The following PLCB1 variants were observed in gnomAD, a reference collection of about 807,000 sequenced individuals.
PLCB1 encodes 1-phosphatidylinositol 4,5-bisphosphate phosphodiesterase beta-1.
In PLCB1, 46 loss-of-function variants were observed where a neutral mutation model predicts 161.8. That is an observed-to-expected ratio of 0.28 (90% CI 0.22 to 0.36). The LOEUF (loss-of-function observed/expected upper bound fraction) is 0.36. Among genes scored for constraint, PLCB1 ranks in the 10% least tolerant of loss-of-function variants. PLCB1 has a pLI of 1.00. For synonymous variants in PLCB1, 517 were observed against 503.7 expected, an observed-to-expected ratio of 1.03 and a Z score of -0.35; for missense variants, 1,016 against 1,472.5, an observed-to-expected ratio of 0.69 and a Z score of 5.07.
At chr20:8,881,327 C>CTGTGTG (rs1987973448) in intron 31 of PLCB1, among the ~76,000 whole-genome samples, 2 of 70,584 alleles carry the variant, frequency 2.8e-5, no homozygotes, top group African/African-American at 1.3e-4. Context: ...TTCAAAAGAC[C>CTGTGTG]CGTGTGTGTG....
intron 3 of PLCB1, among the ~76,000 whole-genome samples, chr20:8,530,131 C>T (rs1984745095): frequency 5.3e-5 from 8 of 152,074 alleles, no homozygotes; most frequent in Admixed American, 5.2e-4. Flanking sequence ...GATGTTTATT[C>T]AGGTTTTCAC....
chr20:8,845,804 C>A (rs1437670375), intron 31 of PLCB1, among the ~76,000 whole-genome samples: 1 of 152,004 alleles, frequency 6.6e-6, no homozygotes, highest in Non-Finnish European at 1.5e-5. Context: ...CACAATTAAC[C>A]AACATAATAT....
chr20:8,340,651 C>T (rs543467532), intron 2 of PLCB1, among the ~76,000 whole-genome samples: 1 of 152,102 alleles, frequency 6.6e-6, no homozygotes, highest in African/African-American at 2.4e-5. Flanking sequence ...GTCTCGATCT[C>T]CTGACCTCGT....
chr20:8,161,974 C>A (rs1600208290), intron 2 of PLCB1, among the ~76,000 whole-genome samples: 1 of 152,192 alleles, frequency 6.6e-6, no homozygotes, highest in Non-Finnish European at 1.5e-5. Context: ...CAACTACAGG[C>A]CCTACCAGAT....
At chr20:8,533,568 A>G (rs1027772741) in intron 3 of PLCB1, among the ~76,000 whole-genome samples, 12 of 151,858 alleles carry the variant, frequency 7.9e-5, no homozygotes, top group Admixed American at 1.3e-4. Flanking sequence ...AACTGGTGTG[A>G]GATGGTATCT....
intron 3 of PLCB1, among the ~76,000 whole-genome samples, chr20:8,529,244 C>A (rs1025901831): frequency 6.6e-6 from 1 of 151,836 alleles, no homozygotes; most frequent in Non-Finnish European, 1.5e-5. Flanking sequence ...AAGATTAAAC[C>A]ATGCACAAAA....
intron 2 of PLCB1, among the ~76,000 whole-genome samples, chr20:8,311,404 G>A (rs937201968): frequency 1.3e-5 from 2 of 152,218 alleles, no homozygotes; most frequent in African/African-American, 4.8e-5. Context: ...CATGTGGGAA[G>A]ATATCTGCTT....
intron 23 of PLCB1, among the ~76,000 whole-genome samples, chr20:8,743,230 C>T (rs977928926): frequency 6.6e-6 from 1 of 151,900 alleles, no homozygotes. Context: ...ACTTCTATAC[C>T]CAGGTGGGGT....
chr20:8,399,851 A>G (rs1978471235), intron 3 of PLCB1, among the ~76,000 whole-genome samples: 1 of 152,196 alleles, frequency 6.6e-6, no homozygotes, highest in Non-Finnish European at 1.5e-5. Flanking sequence ...AATAAAAATA[A>G]GAAAAAAAAC....
At chr20:8,500,578 A>G (rs1731281076) in intron 3 of PLCB1, among the ~76,000 whole-genome samples, 1 of 152,228 alleles carries the variant, frequency 6.6e-6, no homozygotes, top group African/African-American at 2.4e-5. Context: ...TTGGGAAGTC[A>G]GAAAGATATA....
intron 19 of PLCB1, among the ~76,000 whole-genome samples, chr20:8,736,100 G>C (rs1444406868): frequency 6.6e-6 from 1 of 152,168 alleles, no homozygotes; most frequent in East Asian, 1.9e-4. Context: ...TTCTTGACCA[G>C]CAGGCAATTT....
At chr20:8,520,691 A>G (rs1281193997) in intron 3 of PLCB1, among the ~76,000 whole-genome samples, 1 of 152,178 alleles carries the variant, frequency 6.6e-6, no homozygotes, top group Non-Finnish European at 1.5e-5. Context: ...GGCAACTGCT[A>G]TCCAATTTCT....
Position 8,132,603 on chromosome 20 carries a change from C to T in PLCB1, c.-49C>T. The T allele has an allele frequency of 7.4e-7, 1 of 1,355,736 alleles. No individual in the cohort carries two copies. Among genetic ancestry groups the T allele is most frequent in the Non-Finnish European group, 1.0e-6 (1 of 977,566 alleles). The allele number at this position is 1,355,736 out of a possible 1,614,324, so 84.0% of individuals were successfully genotyped here. On this transcript the variant is annotated 5_prime_UTR_variant, in exon 1 of 32. It introduces an in-frame stop codon into an upstream open reading frame of the 5' UTR. Coordinates refer to ENST00000338037, the MANE Select transcript of PLCB1 (RefSeq NM_015192.4). This position sits in a 1 kb window ranked among gnomAD's most constrained non-coding sequence, Gnocchi z 5.2. ...CGCCCCGCGCCCCGCGCACGGTCCC[C>T]AGTCCCTGCCGCGCTCGCCCGGGCC...
chr20:8,718,130 G>A (rs1979432275), intron 14 of PLCB1, among the ~76,000 whole-genome samples: 1 of 152,096 alleles, frequency 6.6e-6, no homozygotes, highest in African/African-American at 2.4e-5. Context: ...TGAGGCAGGA[G>A]AATCGCTTGA....
intron 14 of PLCB1, among the ~76,000 whole-genome samples, chr20:8,719,855 G>C (rs1218198370): frequency 1.3e-5 from 2 of 151,750 alleles, no homozygotes; most frequent in African/African-American, 2.4e-5. Flanking sequence ...GGACAATCAG[G>C]GTTAAAAAAA....
At chr20:8,683,587 C>A (rs1990274531) in intron 9 of PLCB1, among the ~76,000 whole-genome samples, 2 of 152,052 alleles carry the variant, frequency 1.3e-5, no homozygotes, top group Admixed American at 1.3e-4. Flanking sequence ...ATCAAAACAT[C>A]CAGTTGTACA....
intron 3 of PLCB1, among the ~76,000 whole-genome samples, chr20:8,431,944 A>G (rs1980061845): frequency 1.3e-5 from 2 of 152,102 alleles, no homozygotes; most frequent in African/African-American, 4.8e-5. Flanking sequence ...GGGTGCTGGC[A>G]AGGTAGGTTT....
At chr20:8,692,120 G>A (rs960639381) in intron 10 of PLCB1, among the ~76,000 whole-genome samples, 1 of 152,138 alleles carries the variant, frequency 6.6e-6, no homozygotes, top group Non-Finnish European at 1.5e-5. Flanking sequence ...GAAACCATTA[G>A]ATTTGAGGGT....
At chr20:8,186,345 G>A (rs1054860842) in intron 2 of PLCB1, among the ~76,000 whole-genome samples, 9 of 152,124 alleles carry the variant, frequency 5.9e-5, no homozygotes, top group African/African-American at 2.2e-4. Flanking sequence ...ATAATCTGAA[G>A]TTTTGTGTTT....
Sources: allele counts gnomAD v4.1 joint callset (sites outside exome capture counted in the v4.1 genomes callset), GRCh38; gene constraint gnomAD v4.1.1; non-coding constraint Gnocchi (gnomAD v3.1); transcripts MANE v1.5; gene names NCBI Gene and HGNC (gene_info 2026-07-23, HGNC 2026-07-21).